The following SYNE1 variants were observed in gnomAD, a reference collection of about 807,000 sequenced individuals.
SYNE1 encodes spectrin repeat containing nuclear envelope protein 1.
A neutral mutation model predicts 1,111.0 loss-of-function variants in SYNE1; 616 were observed. That is an observed-to-expected ratio of 0.55 (90% confidence interval 0.52 to 0.59). SYNE1 has a LOEUF of 0.59. Among genes scored for constraint, SYNE1 ranks in the 20% least tolerant of loss-of-function variants. The pLI is 0.00. For synonymous variants in SYNE1, 3,855 were observed against 3,825.8 expected, an observed-to-expected ratio of 1.01 and a Z score of -0.28; for missense variants, 10,006 against 10,417.0, an observed-to-expected ratio of 0.96 and a Z score of 1.72.
intron 39 of SYNE1, among the ~76,000 whole-genome samples, chr6:152,420,828 T>TGA: frequency 6.6e-6 from 1 of 152,168 alleles, no homozygotes; most frequent in Non-Finnish European, 1.5e-5. Context: ...GAATTGTCTA[T>TGA]AGCTTACAAC....
At chr6:152,370,952 C>T (rs2097169559) in intron 59 of SYNE1, among the ~76,000 whole-genome samples, 1 of 152,170 alleles carries the variant, frequency 6.6e-6, no homozygotes, top group Admixed American at 6.5e-5. Context: ...ACCAAAATAA[C>T]TTCTGGAGTA....
chr6:152,489,298 C>T lies in SYNE1; in HGVS notation c.940-795G>A, dbSNP rs191748352. Among the ~76,000 whole-genome samples the T allele has an allele frequency of 4.6e-5, 7 of 152,260 alleles. No homozygotes were observed. In the East Asian group the frequency reaches 1.2e-3, roughly 25 times the overall value. On this transcript the variant is annotated intron_variant, in intron 11 of 145. Transcript: ENST00000367255. Reference sequence around the variant, plus strand: ...CGGCATTTACAAAATGCAACTCCAGCATCTCACTTGCTGCTGACAGTGCTG... The same window carrying T: ...CGGCATTTACAAAATGCAACTCCAGTATCTCACTTGCTGCTGACAGTGCTG...
intron 7 of SYNE1, 108 bp downstream of exon 7, chr6:152,510,898 CTAAGT>C: frequency 2.1e-6 from 2 of 966,310 alleles, no homozygotes; most frequent in South Asian, 1.3e-5. Context: ...TACATTTCTG[CTAAGT>C]TAAGGATCAA....
intron 113 of SYNE1, among the ~76,000 whole-genome samples, chr6:152,231,830 G>C (rs2082855575): frequency 6.6e-6 from 1 of 151,504 alleles, no homozygotes; most frequent in African/African-American, 2.4e-5. Context: ...AGAAGATTTA[G>C]AACTAGATAA....
At position 152,462,899 on chromosome 6, in the gene SYNE1, G is replaced by A; in HGVS notation, c.2098-9C>T. 1 of 1,613,716 alleles carries A rather than the reference G, an allele frequency of 6.2e-7. No homozygotes were observed. Among genetic ancestry groups the A allele is most frequent in the Non-Finnish European group, 8.5e-7 (1 of 1,179,840 alleles). On this transcript the variant is annotated splice_polypyrimidine_tract_variant and intron_variant, in intron 19 of 145. Coordinates refer to ENST00000367255, the MANE Select transcript of SYNE1 (RefSeq NM_182961.4). ...TCATCAGCTTGAGCATACTGTTAAG[G>A]AAAGGGAGGAGGGAACATCGTGAAA...
At chr6:152,479,596 A>G (rs1163273588) in intron 14 of SYNE1, among the ~76,000 whole-genome samples, 3 of 152,176 alleles carry the variant, frequency 2.0e-5, no homozygotes, top group Admixed American at 1.3e-4. Context: ...GCAAAAAAGG[A>G]TAATAATACC....
chr6:152,465,444 A>G lies in SYNE1; in HGVS notation c.1746T>C (p.Asn582=), dbSNP rs794727218. 1 of 1,613,358 alleles carries G rather than the reference A, an allele frequency of 6.2e-7. No homozygotes were observed. The highest frequency in any genetic ancestry group is 8.5e-7 in the Non-Finnish European group (1 of 1,179,674). The stretch of plus-strand genomic sequence containing the variant: ...TGGTTTCATTCATGAATTTCATCAC[A>G]TTCTCAGCTTCTTCCACTGAAACAG... ...KADGSVEEAE[N]VMKFMNETTA... The change falls in exon 18 of 146, where the codon AAT becomes AAC. Residue 582 remains asparagine, a synonymous_variant. Transcript: ENST00000367255.
At chr6:152,609,142 G>A (rs2128761408) in intron 3 of SYNE1, among the ~76,000 whole-genome samples, 1 of 152,084 alleles carries the variant, frequency 6.6e-6, no homozygotes, top group Middle Eastern at 3.4e-3. Context: ...GCCCACGGAG[G>A]GTGAGCTGAC....
Position 152,234,743 on chromosome 6 carries a change from T to C in SYNE1, c.20454A>G (p.Leu6818=), listed in dbSNP as rs761385931. Reference sequence around the variant, plus strand: ...TCACAGATTGCTGAGTCCAAAATTCTAGCCGGTCTTTTGCAGATTGTAACC... The same window carrying C: ...TCACAGATTGCTGAGTCCAAAATTCCAGCCGGTCTTTTGCAGATTGTAACC... ...IHWLQSAKDR[L]EFWTQQSVTV... is the part of the protein sequence containing the mutation. Residue 6818 remains leucine, a synonymous_variant, in exon 111 of 146, where the codon CTA becomes CTG. Coordinates refer to ENST00000367255, the MANE Select transcript of SYNE1 (RefSeq NM_182961.4). 5.0e-6 allele frequency: 8 copies of C among 1,614,136 alleles called. No homozygotes were observed. In the South Asian group the frequency reaches 8.8e-5, roughly 18 times the overall value.
chr6:152,209,983 G>T (rs1012149279), intron 124 of SYNE1, among the ~76,000 whole-genome samples: 4 of 152,192 alleles, frequency 2.6e-5, no homozygotes, highest in Admixed American at 2.6e-4. Context: ...ACCATCCAAG[G>T]CCTCTTAGGA....
chr6:152,136,407 A>G (rs531781121), intron 141 of SYNE1, among the ~76,000 whole-genome samples: 1 of 152,390 alleles, frequency 6.6e-6, no homozygotes, highest in Admixed American at 6.5e-5. Flanking sequence ...TTATCTGGAC[A>G]GAAGATAGGA....
intron 123 of SYNE1, among the ~76,000 whole-genome samples, chr6:152,213,256 T>C (rs1169133140): frequency 6.6e-6 from 1 of 152,218 alleles, no homozygotes; most frequent in Non-Finnish European, 1.5e-5. Context: ...TAAGCAATTG[T>C]CCTTGGCATA....
At chr6:152,327,695 A>G (rs1191362444) in intron 78 of SYNE1, among the ~76,000 whole-genome samples, 1 of 152,220 alleles carries the variant, frequency 6.6e-6, no homozygotes, top group East Asian at 1.9e-4. Flanking sequence ...AAGATAATCA[A>G]TAAGACAAGA....
At chr6:152,353,833 T>G (rs2096785405) in intron 67 of SYNE1, 89 bp from the exon 68 acceptor site, 1 of 1,532,856 alleles carries the variant, frequency 6.5e-7, no homozygotes, top group African/African-American at 1.4e-5. Context: ...ATGGTTTCAG[T>G]GTAGGTTTAG....
intron 39 of SYNE1, among the ~76,000 whole-genome samples, chr6:152,421,828 C>A (rs960427734): frequency 6.6e-6 from 1 of 151,918 alleles, no homozygotes; most frequent in Non-Finnish European, 1.5e-5. Context: ...GCCTCAGCCT[C>A]CTGTGTAGCT....
rs1586709509 is a variant in SYNE1 at position 152,167,096 on chromosome 6, C to T, written c.23628-2771G>A. 2.6e-5 allele frequency among the ~76,000 whole-genome samples: 4 copies of T among 152,144 alleles called. No homozygotes were observed. In the South Asian group the frequency reaches 8.3e-4, roughly 32 times the overall value. On this transcript the variant is annotated intron_variant, in intron 130 of 145. Transcript: ENST00000367255. Reference sequence around the variant, plus strand: ...TCACATGTCTGGGTAAGTTTAGCAGCTTGATAAATCTGTAAGTCCCTGCAG... The same window carrying T: ...TCACATGTCTGGGTAAGTTTAGCAGTTTGATAAATCTGTAAGTCCCTGCAG...
rs200003096 is a variant in SYNE1, at chr6:152,488,409, T to C, written c.1034A>G (p.Gln345Arg). 6 of 1,593,278 alleles carry C rather than the reference T, an allele frequency of 3.8e-6. No individual in the cohort carries two copies. The East Asian group carries it at 6.7e-5, about 18-fold the overall frequency. ...TCCATACAATACCTGATATTTATCC[T>C]GTAAATTTGATTCCACCATCTGTGC... ...TRAQMVESNL[Q>R]DKYQSFKHFR... The change falls in exon 12 of 146, where the codon CAG (glutamine) becomes CGG (arginine). Residue 345 changes from glutamine (Q) to arginine (R), a missense_variant. By Grantham distance (43) the Gln-to-Arg change is conservative. Around this residue, in one of 7 missense-constraint regions of SYNE1, gnomAD observed 1,971 missense variants for 2,084.1 expected, o/e 0.95. Coordinates refer to ENST00000367255, the MANE Select transcript of SYNE1 (RefSeq NM_182961.4).
chr6:152,352,155 C>T lies in SYNE1; in HGVS notation c.11452G>A (p.Ala3818Thr). 1 of 1,614,088 alleles carries T rather than the reference C, an allele frequency of 6.2e-7. No homozygotes were observed. The highest frequency in any genetic ancestry group is 1.3e-5 in the African/African-American group (1 of 74,922). Residue 3818 changes from alanine to threonine, a missense_variant, in exon 70 of 146, where the codon GCA (alanine) becomes ACA (threonine). By Grantham distance (58) the Ala-to-Thr change is moderately conservative. Coordinates refer to ENST00000367255, the MANE Select transcript of SYNE1 (RefSeq NM_182961.4). ...HMTLEKGLHL[A>T]KEFSDKCKAL... Reference sequence around the variant, plus strand: ...TTGCATTTATCTGAGAATTCCTTTGCTAAATGAAGACCTTTTTCCAGCGTC... The same window carrying T: ...TTGCATTTATCTGAGAATTCCTTTGTTAAATGAAGACCTTTTTCCAGCGTC...
At chr6:152,547,852 T>C (rs2099321786) in intron 3 of SYNE1, among the ~76,000 whole-genome samples, 1 of 152,162 alleles carries the variant, frequency 6.6e-6, no homozygotes, top group Non-Finnish European at 1.5e-5. Context: ...GATTTCCTTA[T>C]TTTTTTATGG....
Sources: gnomAD v4.1 joint callset for allele counts (sites outside exome capture counted in the v4.1 genomes callset) on GRCh38, gnomAD v4.1.1 for gene constraint, gnomAD v4.1.1 regional missense constraint, MANE v1.5 for transcripts, NCBI Gene and HGNC (gene_info 2026-07-23, HGNC 2026-07-21) for gene names.